FGD4: variants seen among roughly 807,000 people sequenced by gnomAD.
The protein encoded by FGD4 is FYVE, RhoGEF and PH domain-containing protein 4.
In FGD4, 42 loss-of-function variants were observed where a neutral mutation model predicts 102.0. The observed-to-expected ratio is 0.41, with a 90% CI of 0.32 to 0.53. The LOEUF (loss-of-function observed/expected upper bound fraction) is 0.53, where lower values mean the gene tolerates loss of function less well. Among genes scored for constraint, FGD4 ranks in the 20% least tolerant of loss-of-function variants. FGD4 has a pLI of 0.21. For synonymous variants in FGD4, 380 were observed against 375.7 expected (o/e 1.01, Z -0.13); for missense variants, 902 against 1,078.2 (o/e 0.84, Z 2.29).
intron 1 of FGD4, among the ~76,000 whole-genome samples, chr12:32,434,007 C>T (rs182806652): frequency 6.6e-6 from 1 of 152,032 alleles, no homozygotes. Flanking sequence ...AGGCATGCAC[C>T]ACCACGCCCA....
intron 4 of FGD4, among the ~76,000 whole-genome samples, chr12:32,596,935 T>TAA (rs984765572): frequency 2.9e-5 from 4 of 137,976 alleles, no homozygotes; most frequent in African/African-American, 2.7e-5. Flanking sequence ...AACTCTGTCT[T>TAA]AAAAAAAAAA....
chr12:32,581,856 A>G, intron 3 of FGD4, 104 bp from the exon 4 acceptor site: 1 of 1,316,248 alleles, frequency 7.6e-7, no homozygotes, highest in South Asian at 1.3e-5. Flanking sequence ...AGAGATAGAA[A>G]AAAAAAGTAG....
intron 2 of FGD4, among the ~76,000 whole-genome samples, chr12:32,570,722 T>G (rs1449213706): frequency 2.0e-5 from 3 of 152,224 alleles, no homozygotes; most frequent in African/African-American, 7.2e-5. Context: ...ATTACAGGCA[T>G]GAGACATCGT....
chr12:32,507,575 C>T (rs1433946594), intron 1 of FGD4, among the ~76,000 whole-genome samples: 1 of 152,314 alleles, frequency 6.6e-6, no homozygotes, highest in East Asian at 1.9e-4. Context: ...CGTTACTTCT[C>T]TTTCAGGACT....
At chr12:32,516,864 C>G (rs962156784) in intron 1 of FGD4, among the ~76,000 whole-genome samples, 3 of 152,100 alleles carry the variant, frequency 2.0e-5, no homozygotes, top group African/African-American at 7.2e-5. Flanking sequence ...GAATGGGAAA[C>G]TTGGCACTTT....
intron 1 of FGD4, among the ~76,000 whole-genome samples, chr12:32,402,015 G>A (rs192050818): frequency 6.7e-6 from 1 of 149,906 alleles, no homozygotes; most frequent in Non-Finnish European, 1.5e-5. Context: ...CCATTCTCCT[G>A]CCTCAGCCTC....
intron 1 of FGD4, among the ~76,000 whole-genome samples, chr12:32,409,484 T>A (rs570431645): frequency 6.6e-6 from 1 of 152,128 alleles, no homozygotes; most frequent in East Asian, 1.9e-4. Flanking sequence ...AGACGGGGTT[T>A]CACTGTTGGC....
chr12:32,425,667 T>C (rs1481765746), intron 1 of FGD4, among the ~76,000 whole-genome samples: 1 of 152,228 alleles, frequency 6.6e-6, no homozygotes, highest in Non-Finnish European at 1.5e-5. Context: ...TCGGGCAGTA[T>C]GGCCATTTTC....
At chr12:32,620,603 T>G (rs1949770062) in intron 11 of FGD4, among the ~76,000 whole-genome samples, 1 of 144,386 alleles carries the variant, frequency 6.9e-6, no homozygotes, top group African/African-American at 2.5e-5. Context: ...CTCGGCTCAC[T>G]GCAGCCTCTG....
At chr12:32,602,132 A>T (rs750884724) in intron 6 of FGD4, 29 bp from the exon 7 acceptor site, 16 of 1,610,976 alleles carry the variant, frequency 9.9e-6, no homozygotes, top group South Asian at 9.9e-5. Flanking sequence ...AATTTTTTTT[A>T]AAGACTTGTT....
At chr12:32,508,404 A>C (rs1178338786) in intron 1 of FGD4, among the ~76,000 whole-genome samples, 5 of 152,232 alleles carry the variant, frequency 3.3e-5, no homozygotes. Flanking sequence ...TCTCCAAGGC[A>C]GCTGGAATTC....
At chr12:32,553,776 TAA>T (rs1230902610) in intron 1 of FGD4, among the ~76,000 whole-genome samples, 3 of 152,220 alleles carry the variant, frequency 2.0e-5, no homozygotes, top group African/African-American at 7.2e-5. Flanking sequence ...ATAATGCATA[TAA>T]GTTAGTGATC....
chr12:32,475,916 C>A (rs1409426302), intron 1 of FGD4, among the ~76,000 whole-genome samples: 1 of 152,112 alleles, frequency 6.6e-6, no homozygotes, highest in Non-Finnish European at 1.5e-5. Flanking sequence ...CTTTATATTT[C>A]CTCTGAATTC....
intron 1 of FGD4, among the ~76,000 whole-genome samples, chr12:32,401,955 T>G (rs994144597): frequency 1.4e-5 from 2 of 145,470 alleles, no homozygotes; most frequent in Non-Finnish European, 3.0e-5. Flanking sequence ...CAGGCTGGAG[T>G]GCAGTGACGC....
intron 1 of FGD4, among the ~76,000 whole-genome samples, chr12:32,475,193 A>G (rs1269095163): frequency 2.0e-5 from 3 of 152,072 alleles, no homozygotes. Context: ...TCCACAAGAA[A>G]TGGCCTGTGT....
intron 1 of FGD4, among the ~76,000 whole-genome samples, chr12:32,467,821 G>A (rs916448341): frequency 1.4e-4 from 21 of 152,128 alleles, no homozygotes; most frequent in African/African-American, 4.3e-4. Context: ...TTTGAGACCA[G>A]CCTGGCCAAC....
At chr12:32,603,998 T>C (rs1948606248) in intron 7 of FGD4, among the ~76,000 whole-genome samples, 1 of 152,030 alleles carries the variant, frequency 6.6e-6, no homozygotes, top group Admixed American at 6.6e-5. Context: ...TATATGGAGA[T>C]CCCCCCCAGC....
chr12:32,567,535 A>G (rs191075249), intron 2 of FGD4, among the ~76,000 whole-genome samples: 48 of 152,268 alleles, frequency 3.2e-4, no homozygotes, highest in African/African-American at 1.2e-3. Flanking sequence ...CCTGCAATGC[A>G]CGGGACAGTC....
intron 6 of FGD4, among the ~76,000 whole-genome samples, 191 bp from the exon 7 acceptor site, chr12:32,601,970 C>G (rs1188279877): frequency 6.6e-6 from 1 of 152,098 alleles, no homozygotes; most frequent in African/African-American, 2.4e-5. Context: ...TAGCCACTAG[C>G]CAGGCGTGGT....
Sources: allele counts gnomAD v4.1 joint callset (sites outside exome capture counted in the v4.1 genomes callset), GRCh38; gene constraint gnomAD v4.1.1; transcripts MANE v1.5; gene names NCBI Gene and HGNC (gene_info 2026-07-23, HGNC 2026-07-21).